Variants in CACHD1 observed in about 807,000 individuals in gnomAD.
CACHD1 encodes the protein cache domain containing 1.
Under a neutral mutation model 138.7 loss-of-function variants are expected in CACHD1, and 71 were observed. That is an observed-to-expected ratio of 0.51 (90% CI 0.42 to 0.62). The LOEUF (loss-of-function observed/expected upper bound fraction) is 0.62. Ranked by LOEUF, CACHD1 falls within the 20% of genes least tolerant of loss-of-function variation. The pLI is 0.00. For synonymous variants in CACHD1, 578 were observed against 591.5 expected (o/e 0.98, Z 0.33); for missense variants, 1,389 against 1,625.3 (o/e 0.85, Z 2.50).
At chr1:64,646,820 C>T (rs1314297361) in intron 8 of CACHD1, among the ~76,000 whole-genome samples, 1 of 152,132 alleles carries the variant, frequency 6.6e-6, no homozygotes, top group Non-Finnish European at 1.5e-5. Context: ...CAAGTATGTA[C>T]ACTCTCTATG....
chr1:64,576,564 C>T (rs1487715700), intron 2 of CACHD1, among the ~76,000 whole-genome samples: 4 of 151,924 alleles, frequency 2.6e-5, no homozygotes, highest in African/African-American at 4.8e-5. Context: ...TCACATTCCT[C>T]GTCAGAAGCA....
chr1:64,632,852 T>A, intron 6 of CACHD1, 109 bp downstream of exon 6: 1 of 1,245,998 alleles, frequency 8.0e-7, no homozygotes, highest in Non-Finnish European at 1.1e-6. Context: ...TACAATGGGG[T>A]TACATCCTGA....
At chr1:64,471,538 C>T (rs1236192039) in intron 1 of CACHD1, among the ~76,000 whole-genome samples, 1 of 151,766 alleles carries the variant, frequency 6.6e-6, no homozygotes, top group African/African-American at 2.4e-5. Context: ...GTGGGCTCCG[C>T]GCTCCTTTCC....
chr1:64,679,040 G>A (rs1441094472), intron 23 of CACHD1, among the ~76,000 whole-genome samples: 4 of 152,198 alleles, frequency 2.6e-5, no homozygotes, highest in African/African-American at 9.7e-5. Context: ...TTTTGAGCTT[G>A]TATGTTACTG....
At chr1:64,624,348 C>T (rs968925517) in intron 4 of CACHD1, among the ~76,000 whole-genome samples, 15 of 152,170 alleles carry the variant, frequency 9.9e-5, no homozygotes, top group African/African-American at 3.4e-4. Flanking sequence ...AACATTCTTG[C>T]TCCCATTGGC....
chr1:64,510,547 A>G (rs305579), intron 1 of CACHD1, among the ~76,000 whole-genome samples: 146,057 of 152,320 alleles, frequency 0.96, 70,057 homozygotes, highest in African/African-American at 0.99. Context: ...TTGTTTAGGT[A>G]GCTTAATCTC....
intron 2 of CACHD1, chr1:64,580,047 G>A (rs1300307583): frequency 1.3e-5 from 2 of 151,894 alleles, no homozygotes; most frequent in Non-Finnish European, 2.9e-5. Context: ...GAATGTGAAA[G>A]TCTAGGAAAA....
intron 3 of CACHD1, among the ~76,000 whole-genome samples, chr1:64,591,461 G>C (rs1647099469): frequency 6.6e-6 from 1 of 152,230 alleles, no homozygotes; most frequent in Non-Finnish European, 1.5e-5. Flanking sequence ...TCAAATGCTA[G>C]ACTGGAGAAT....
intron 1 of CACHD1, among the ~76,000 whole-genome samples, chr1:64,547,850 C>G (rs1040175330): frequency 6.6e-6 from 1 of 152,142 alleles, no homozygotes; most frequent in Non-Finnish European, 1.5e-5. Flanking sequence ...GGTGATAGCC[C>G]CGAACTATAA....
At chr1:64,658,027 T>C (rs939917361) in intron 12 of CACHD1, among the ~76,000 whole-genome samples, 1 of 152,230 alleles carries the variant, frequency 6.6e-6, no homozygotes, top group Non-Finnish European at 1.5e-5. Context: ...AAAATACTAC[T>C]GTTTCTACAT....
rs1389194249 is a variant in CACHD1 at position 64,634,152 on chromosome 1, T to A, written c.898T>A (p.Phe300Ile). The A allele has an allele frequency of 6.2e-7, 1 of 1,613,740 alleles. No homozygotes were observed. The highest frequency in any genetic ancestry group is 8.5e-7 in the Non-Finnish European group (1 of 1,179,940). The change falls in exon 7 of 27, where the codon TTT becomes ATT. Residue 300 changes from phenylalanine to isoleucine, a missense_variant. Phe to Ile is a conservative substitution (Grantham distance 21, BLOSUM62 0). Coordinates refer to ENST00000651257, the MANE Select transcript of CACHD1 (RefSeq NM_020925.4). ...TGAGACAAAAAGGAAAATGTCCACC[T>A]TTGTTAGCAGCGTGAAGTCTTCAGA... ...TSETKRKMST[F>I]VSSVKSSDSP...
chr1:64,536,642 C>T (rs1483250384), intron 1 of CACHD1, among the ~76,000 whole-genome samples: 2 of 152,176 alleles, frequency 1.3e-5, no homozygotes, highest in Non-Finnish European at 2.9e-5. Flanking sequence ...TTATCACGTA[C>T]CTCCTGCACG....
At chr1:64,639,899 C>A (rs1468056434) in intron 7 of CACHD1, among the ~76,000 whole-genome samples, 1 of 152,192 alleles carries the variant, frequency 6.6e-6, no homozygotes, top group Non-Finnish European at 1.5e-5. Context: ...CTTGAGACGG[C>A]AGTCAGCCTA....
At chr1:64,542,055 G>T (rs1025705705) in intron 1 of CACHD1, among the ~76,000 whole-genome samples, 17 of 151,990 alleles carry the variant, frequency 1.1e-4, no homozygotes, top group African/African-American at 4.1e-4. Flanking sequence ...AATAATAGTA[G>T]ATAACTATCA....
chr1:64,511,395 GAAAAT>G (rs1646419642), intron 1 of CACHD1, among the ~76,000 whole-genome samples: 1 of 152,124 alleles, frequency 6.6e-6, no homozygotes, highest in African/African-American at 2.4e-5. Context: ...AGGATCATGA[GAAAAT>G]AAAGAAGTGG....
intron 16 of CACHD1, among the ~76,000 whole-genome samples, chr1:64,671,095 C>T (rs571946382): frequency 6.6e-6 from 1 of 152,248 alleles, no homozygotes; most frequent in African/African-American, 2.4e-5. Context: ...CATTGTTCCT[C>T]CTAAGTTTTG....
chr1:64,472,504 T>C (rs1646151712), intron 1 of CACHD1, among the ~76,000 whole-genome samples: 1 of 152,174 alleles, frequency 6.6e-6, no homozygotes, highest in African/African-American at 2.4e-5. Flanking sequence ...TGGAGTTGGG[T>C]TTTCTTGATT....
chr1:64,643,971 T>C (rs1392241615), intron 8 of CACHD1, among the ~76,000 whole-genome samples: 1 of 152,236 alleles, frequency 6.6e-6, no homozygotes, highest in African/African-American at 2.4e-5. Flanking sequence ...CCCTGGCACT[T>C]TCTGCCTAAT....
intron 4 of CACHD1, among the ~76,000 whole-genome samples, chr1:64,628,321 A>G (rs984490461): frequency 1.3e-5 from 2 of 152,224 alleles, no homozygotes; most frequent in Non-Finnish European, 2.9e-5. Flanking sequence ...CCATCTGTAT[A>G]AGTCTGCTTG....
Sources: allele counts gnomAD v4.1 joint callset (sites outside exome capture counted in the v4.1 genomes callset), GRCh38; gene constraint gnomAD v4.1.1; transcripts MANE v1.5; gene names NCBI Gene and HGNC (gene_info 2026-07-23, HGNC 2026-07-21).